The following ANKRD30BL variants were observed in gnomAD, a reference collection of about 807,000 sequenced individuals.
The protein encoded by ANKRD30BL is ankyrin repeat domain 30B like, also known as putative ankyrin repeat domain-containing protein 30B-like.
A neutral mutation model predicts 18.4 loss-of-function variants in ANKRD30BL; 20 were observed. The observed-to-expected ratio is 1.09, with a 90% CI of 0.77 to 1.58. The LOEUF (loss-of-function observed/expected upper bound fraction) is 1.58. ANKRD30BL is among the 40% of genes most tolerant of loss of function. The pLI, the probability that ANKRD30BL is intolerant of heterozygous loss-of-function variation, is 0.00. For synonymous variants in ANKRD30BL, 72 were observed against 100.9 expected, an observed-to-expected ratio of 0.71 and a Z score of 1.72; for missense variants, 224 against 268.6, an observed-to-expected ratio of 0.83 and a Z score of 1.16.
chr2:132,208,884 G>A lies in ANKRD30BL; in HGVS notation n.441+48645C>T, dbSNP rs542255469. On this transcript the variant is annotated intron_variant and non_coding_transcript_variant, in intron 1 of 4. Coordinates refer to the ANKRD30BL transcript ENST00000470729. ...GCATTCTGAGAAACTTCTTTGTGAT[G>A]TGTGCATTCACCTCACAGAGTTGAA... Among the ~76,000 whole-genome samples the A allele has an allele frequency of 3.1e-4, 47 of 151,244 alleles. 1 individual carries two copies. The highest frequency in any genetic ancestry group is 9.5e-4 in the African/African-American group (39 of 41,014).
chr2:132,256,673 A>T (rs72869448), intron 1 of ANKRD30BL, among the ~76,000 whole-genome samples: 1 of 152,150 alleles, frequency 6.6e-6, no homozygotes, highest in Non-Finnish European at 1.5e-5. Context: ...TTCCCTGCAC[A>T]CACTGCTGGC....
intron 1 of ANKRD30BL, among the ~76,000 whole-genome samples, chr2:132,210,873 G>T (rs1243268263): frequency 7.3e-6 from 1 of 136,688 alleles, no homozygotes; most frequent in African/African-American, 2.8e-5. Context: ...TGGTGGAAAG[G>T]GAAATATCTT....
At chr2:132,167,666 G>A (rs1688212637) in intron 1 of ANKRD30BL, among the ~76,000 whole-genome samples, 1 of 152,012 alleles carries the variant, frequency 6.6e-6, no homozygotes, top group African/African-American at 2.4e-5. Context: ...CTCAGCTCTT[G>A]GTGTATCTCA....
At chr2:132,177,146 T>C (rs1688379186) in intron 1 of ANKRD30BL, among the ~76,000 whole-genome samples, 1 of 151,528 alleles carries the variant, frequency 6.6e-6, no homozygotes, top group African/African-American at 2.4e-5. Flanking sequence ...CTTAGCCAGA[T>C]GTGCCTATTT....
chr2:132,208,812 G>C (rs1382125994), intron 1 of ANKRD30BL, among the ~76,000 whole-genome samples: 1 of 151,512 alleles, frequency 6.6e-6, no homozygotes. Flanking sequence ...ACTGCTATGA[G>C]GTTCTGAATG....
intron 1 of ANKRD30BL, among the ~76,000 whole-genome samples, chr2:132,196,801 C>A (rs557587078): frequency 1.0e-3 from 151 of 147,380 alleles, no homozygotes; most frequent in Admixed American, 4.0e-3. Context: ...AGCAAGACTC[C>A]ATCTCAAAAA....
chr2:132,188,715 A>C (rs1020622651), intron 1 of ANKRD30BL, among the ~76,000 whole-genome samples: 7 of 141,752 alleles, frequency 4.9e-5, no homozygotes, highest in African/African-American at 2.2e-4. Flanking sequence ...GTCTCAGAAA[A>C]CAACAACAAC....
At chr2:132,162,555 C>T (rs1330816444), upstream of ANKRD30BL, among the ~76,000 whole-genome samples, 3 of 152,218 alleles carry the variant, frequency 2.0e-5, no homozygotes, top group Non-Finnish European at 4.4e-5. Context: ...ACTGAGGTCC[C>T]ACTGCCTGAC....
intron 1 of ANKRD30BL, among the ~76,000 whole-genome samples, chr2:132,175,747 C>T (rs975625882): frequency 2.6e-5 from 4 of 152,180 alleles, no homozygotes; most frequent in Non-Finnish European, 4.4e-5. Context: ...CCTGGTTTAT[C>T]GAGACTAGAG....
At chr2:132,196,058 C>T (rs181085796) in intron 1 of ANKRD30BL, among the ~76,000 whole-genome samples, 74 of 149,698 alleles carry the variant, frequency 4.9e-4, no homozygotes, top group African/African-American at 1.7e-3. Context: ...AGGAGAATAG[C>T]GTGAACCTGG....
rs1678854815 is a variant in ANKRD30BL, at chr2:132,191,739, T to A, written n.442-34593A>T. Among the ~76,000 whole-genome samples the A allele has an allele frequency of 3.5e-5, 5 of 140,850 alleles. No homozygotes were observed. In the South Asian group the frequency reaches 1.1e-3, roughly 31 times the overall value. 92.4% of individuals were successfully genotyped at this position (140,850 alleles called of 152,430 possible). ...TTGACTTCTCACTATGGAGTTTGAT[T>A]TTTTTTTTTTTTTTTTTTTGGAGAT... On this transcript the variant is annotated intron_variant and non_coding_transcript_variant, in intron 1 of 4. Transcript: ENST00000470729.
intron 1 of ANKRD30BL, among the ~76,000 whole-genome samples, chr2:132,208,689 A>G (rs1458608924): frequency 1.3e-5 from 2 of 151,502 alleles, no homozygotes; most frequent in South Asian, 4.1e-4. Flanking sequence ...AGATAAGTGT[A>G]TTCACTAAAG....
chr2:132,252,275 T>C (rs546084318), intron 1 of ANKRD30BL, among the ~76,000 whole-genome samples: 1,681 of 152,270 alleles, frequency 0.011, 28 homozygotes, highest in African/African-American at 0.037. Flanking sequence ...CTAAGTTACA[T>C]GAGATTGCCT....
At chr2:132,221,337 G>A (rs1293593630) in intron 1 of ANKRD30BL, among the ~76,000 whole-genome samples, 431 of 146,158 alleles carry the variant, frequency 2.9e-3, no homozygotes, top group Admixed American at 5.0e-3. Flanking sequence ...TCAGCCCCCC[G>A]CCCGGCCAGC....
intron 1 of ANKRD30BL, among the ~76,000 whole-genome samples, chr2:132,178,774 A>G (rs1426220339): frequency 6.6e-6 from 1 of 152,214 alleles, no homozygotes; most frequent in South Asian, 2.1e-4. Context: ...GGCTAAATTA[A>G]GAGCCTAAAC....
chr2:132,239,139 A>C (rs1306410708), intron 1 of ANKRD30BL, among the ~76,000 whole-genome samples: 1 of 152,012 alleles, frequency 6.6e-6, no homozygotes, highest in Non-Finnish European at 1.5e-5. Context: ...GTCACATAAA[A>C]ACTAGAGAGA....
intron 1 of ANKRD30BL, among the ~76,000 whole-genome samples, chr2:132,212,808 C>T (rs1206439162): frequency 2.0e-5 from 3 of 149,942 alleles, no homozygotes; most frequent in African/African-American, 7.3e-5. Context: ...AGGAAATGTC[C>T]TCACATAAAA....
intron 1 of ANKRD30BL, among the ~76,000 whole-genome samples, chr2:132,232,008 A>C (rs201355616): frequency 1.3e-5 from 2 of 152,288 alleles, no homozygotes; most frequent in South Asian, 2.1e-4. Flanking sequence ...AGACTGCCTC[A>C]TCAAGTGGGT....
At chr2:132,237,720 C>G (rs539220558) in intron 1 of ANKRD30BL, among the ~76,000 whole-genome samples, 6 of 152,164 alleles carry the variant, frequency 3.9e-5, no homozygotes, top group African/African-American at 1.2e-4. Flanking sequence ...TTTTGAAACA[C>G]TCTTTTTGTA....
Sources: allele counts gnomAD v4.1 joint callset (sites outside exome capture counted in the v4.1 genomes callset), GRCh38; gene constraint gnomAD v4.1.1; transcripts MANE v1.5; gene names NCBI Gene and HGNC (gene_info 2026-07-23, HGNC 2026-07-21).